Variants in ZC3H18 observed in about 807,000 individuals in gnomAD.
ZC3H18 encodes zinc finger CCCH-type containing 18, also known as zinc finger CCCH domain-containing protein 18.
ZC3H18 carries 8 observed loss-of-function variants against 106.1 expected under a neutral mutation model. That is an observed-to-expected ratio of 0.08 (90% confidence interval 0.04 to 0.14). The LOEUF (loss-of-function observed/expected upper bound fraction) is 0.14. Ranked by LOEUF, ZC3H18 falls within the 10% of genes least tolerant of loss-of-function variation. The pLI, the probability that ZC3H18 is intolerant of heterozygous loss-of-function variation, is 1.00. For synonymous variants in ZC3H18, 635 were observed against 522.1 expected (o/e 1.22, Z -2.95); for missense variants, 1,318 against 1,278.4 (o/e 1.03, Z -0.47).
At position 88,623,343 on chromosome 16, in the gene ZC3H18, A is replaced by C. The variant is rs757803844; in HGVS notation, c.1792A>C (p.Arg598=). 2 of 1,613,182 alleles carry C rather than the reference A, an allele frequency of 1.2e-6. No individual in the cohort carries two copies. The highest frequency in any genetic ancestry group is 3.3e-5 in the Admixed American group (2 of 60,018). Residue 598 remains arginine (R), a splice_region_variant and synonymous_variant, in exon 10 of 18, where the codon AGG becomes CGG. Transcript: ENST00000301011. ...CAGCTCGTTCTCAGGAAGCCGGTCC[A>C]GGTATGTCCCCAGGGCCCATGAAGG... ...RHSSFSGSRS[R]SRSFSSSPSP... is the part of the protein sequence containing the mutation.
At chr16:88,609,131 T>TA in intron 7 of ZC3H18, 80 bp downstream of exon 7, 3 of 1,180,430 alleles carry the variant, frequency 2.5e-6, no homozygotes, top group South Asian at 1.4e-5. Context: ...CAGTAAAAAA[T>TA]ACAGGGCTTT....
chr16:88,596,110 C>G (rs1904424489), intron 3 of ZC3H18, among the ~76,000 whole-genome samples: 1 of 152,150 alleles, frequency 6.6e-6, no homozygotes, highest in Non-Finnish European at 1.5e-5. Flanking sequence ...GAGCTGAACA[C>G]TGTCACCCAC....
At chr16:88,580,744 C>G (rs1352865334) in intron 2 of ZC3H18, among the ~76,000 whole-genome samples, 1 of 152,162 alleles carries the variant, frequency 6.6e-6, no homozygotes, top group Non-Finnish European at 1.5e-5. Context: ...CGTGAGCAGT[C>G]AGCTTCCCAC....
In ZC3H18 at chr16:88,624,655, A is replaced by G; in HGVS notation, c.1952A>G (p.Lys651Arg). 1.9e-6 allele frequency: 3 copies of G among 1,613,902 alleles called. No individual in the cohort carries two copies. Among genetic ancestry groups the G allele is most frequent in the Non-Finnish European group, 2.5e-6 (3 of 1,179,974 alleles). Reference protein sequence around the residue: ...APPPAPPQATKTTAPVPEPTK... With the variant: ...APPPAPPQATRTTAPVPEPTK... ...CCTCCAGCCCCACCACAGGCCACCA[A>G]AACCACTGCTCCTGTCCCCGAGCCC... Residue 651 changes from lysine to arginine, a missense_variant, in exon 12 of 18, where the codon AAA (lysine) becomes AGA (arginine). Lys to Arg is a conservative substitution (Grantham distance 26). Transcript: ENST00000301011.
intron 8 of ZC3H18, among the ~76,000 whole-genome samples, chr16:88,612,230 T>A (rs1195171945): frequency 6.6e-6 from 1 of 152,104 alleles, no homozygotes; most frequent in Non-Finnish European, 1.5e-5. Flanking sequence ...TGGATGATGT[T>A]TTTGGTGGGT....
chr16:88,582,239 T>TTTG (rs1915180926), intron 2 of ZC3H18, among the ~76,000 whole-genome samples: 1 of 144,716 alleles, frequency 6.9e-6, no homozygotes, highest in South Asian at 2.2e-4. Context: ...TTTTTTTTTT[T>TTTG]TTTGAGATGG....
chr16:88,614,889 C>T (rs1471338548), intron 8 of ZC3H18, among the ~76,000 whole-genome samples: 4 of 152,256 alleles, frequency 2.6e-5, no homozygotes, highest in African/African-American at 9.6e-5. Context: ...ACCCCGTGCA[C>T]ACACCCCCAG....
chr16:88,598,266 C>T lies in ZC3H18; in HGVS notation c.777C>T (p.Pro259=), dbSNP rs752580333. The T allele has an allele frequency of 1.2e-6, 2 of 1,613,508 alleles. No individual in the cohort carries two copies. The highest frequency in any genetic ancestry group is 1.7e-6 in the Non-Finnish European group (2 of 1,179,840). Residue 259 remains proline (P), a synonymous_variant, in exon 4 of 18, where the codon CCC becomes CCT. Transcript: ENST00000301011. The stretch of plus-strand genomic sequence containing the variant: ...ACTCCCTAATCACCAAAGCCGACCC[C>T]TTCCCGCCTAATGGTGCCCCGCCTC... ...GNYSLITKAD[P]FPPNGAPPLG... is the part of the protein sequence containing the mutation.
intron 6 of ZC3H18, among the ~76,000 whole-genome samples, chr16:88,604,441 C>T (rs992836774): frequency 2.0e-5 from 3 of 151,998 alleles, no homozygotes; most frequent in African/African-American, 7.2e-5. Flanking sequence ...AATCCCAGCA[C>T]TCTGGGAGGC....
Position 88,631,820 on chromosome 16 carries a change from T to A in ZC3H18, c.*521T>A, listed in dbSNP as rs1362041213. 4 of 292,662 alleles carry A rather than the reference T, an allele frequency of 1.4e-5. No homozygotes were observed. Among genetic ancestry groups the A allele is most frequent in the Admixed American group, 1.0e-4 (2 of 19,828 alleles). The allele number at this position is 292,662 out of a possible 1,614,324, so 18.1% of individuals were successfully genotyped here. A position where few individuals can be genotyped will look rare whatever the true frequency, so the allele number is the denominator to read the frequency against. On this transcript the variant is annotated 3_prime_UTR_variant, in exon 18 of 18. Transcript: ENST00000301011. ...CAGGAAATATTTCCTGTCTTTTATT[T>A]TAAGCATCAAATTGTTTTAGTTGAT...
rs1232470958 is a variant in ZC3H18, at chr16:88,585,175, C to T, written c.604-1425C>T. Among the ~76,000 whole-genome samples, 4 of 152,298 alleles carry T rather than the reference C, an allele frequency of 2.6e-5. No individual in the cohort carries two copies. In the South Asian group the frequency reaches 6.2e-4, roughly 24 times the overall value. On this transcript the variant is annotated intron_variant, in intron 2 of 17. Transcript: ENST00000301011. ...TTTAATTTGTTATGTTTGATCATTTCTTTAAAAAGTGATTCTGCTGGATTA... is the reference window on the plus strand; with the variant it reads ...TTTAATTTGTTATGTTTGATCATTTTTTTAAAAAGTGATTCTGCTGGATTA...
At chr16:88,600,668 C>G (rs1350654429) in intron 6 of ZC3H18, among the ~76,000 whole-genome samples, 1 of 152,242 alleles carries the variant, frequency 6.6e-6, no homozygotes, top group Admixed American at 6.5e-5. Context: ...CCACGCCTGC[C>G]TCCCAGAGTG....
intron 13 of ZC3H18, 53 bp downstream of exon 13, chr16:88,625,320 A>T (rs1906236592): frequency 6.4e-7 from 1 of 1,552,076 alleles, no homozygotes. Context: ...GGGGCCAGGA[A>T]GTCCCAGAAG....
In ZC3H18 at chr16:88,577,326, A is replaced by G; in HGVS notation, c.203A>G (p.Asp68Gly). Residue 68 changes from aspartate to glycine, a missense_variant, in exon 2 of 18, where the codon GAC (aspartate) becomes GGC (glycine). Coordinates refer to ENST00000301011, the MANE Select transcript of ZC3H18 (RefSeq NM_144604.4). ...CAGGAGGAGGAAGATAATCACTCCG[A>G]CGAGGAGGACCGGGCAAGTGAGCCT... is the stretch of plus-strand genomic sequence containing the variant. ...PSQEEEDNHS[D>G]EEDRASEPKS... 6.2e-7 allele frequency: 1 copy of G among 1,609,802 alleles called. No homozygotes were observed. The highest frequency in any genetic ancestry group is 8.5e-7 in the Non-Finnish European group (1 of 1,177,518).
At chr16:88,594,658 A>G (rs1256594175) in intron 3 of ZC3H18, among the ~76,000 whole-genome samples, 4 of 152,202 alleles carry the variant, frequency 2.6e-5, no homozygotes, top group African/African-American at 9.6e-5. Context: ...AAAGGGGGCA[A>G]TGATTGATGG....
At chr16:88,623,480 A>C in intron 10 of ZC3H18, 136 bp downstream of exon 10, 2 of 1,229,780 alleles carry the variant, frequency 1.6e-6, no homozygotes, top group Non-Finnish European at 2.2e-6. Flanking sequence ...TAGGATGGCC[A>C]GGGGGTCGTG....
chr16:88,592,036 G>A (rs1052177997), intron 3 of ZC3H18, among the ~76,000 whole-genome samples: 2 of 152,284 alleles, frequency 1.3e-5, no homozygotes, highest in Admixed American at 6.5e-5. Context: ...TTGCGGAGCC[G>A]CTGGCAGTGG....
intron 8 of ZC3H18, among the ~76,000 whole-genome samples, chr16:88,613,255 T>C (rs1267013849): frequency 2.6e-5 from 4 of 152,230 alleles, no homozygotes; most frequent in African/African-American, 9.6e-5. Flanking sequence ...TCTCTGTTCG[T>C]CTGTTGATGG....
intron 2 of ZC3H18, among the ~76,000 whole-genome samples, chr16:88,583,059 G>A (rs1915227418): frequency 6.6e-6 from 1 of 152,250 alleles, no homozygotes; most frequent in Non-Finnish European, 1.5e-5. Flanking sequence ...GTTGTGGTTG[G>A]CCTGAGTGGC....
Sources: gnomAD v4.1 joint callset for allele counts (sites outside exome capture counted in the v4.1 genomes callset) on GRCh38, gnomAD v4.1.1 for gene constraint, MANE v1.5 for transcripts, NCBI Gene and HGNC (gene_info 2026-07-23, HGNC 2026-07-21) for gene names.